Variants in DOCK11 observed in about 807,000 individuals in gnomAD.
The protein encoded by DOCK11 is dedicator of cytokinesis protein 11.
DOCK11 carries 70 observed loss-of-function variants against 169.1 expected under a neutral mutation model. That is an observed-to-expected ratio of 0.41 (90% confidence interval 0.34 to 0.51). The LOEUF is 0.51. Among genes scored for constraint, DOCK11 ranks in the 20% least tolerant of loss-of-function variants. DOCK11 has a pLI of 0.10. For synonymous variants in DOCK11, 529 were observed against 541.3 expected, an observed-to-expected ratio of 0.98 and a Z score of 0.32; for missense variants, 1,166 against 1,538.8, an observed-to-expected ratio of 0.76 and a Z score of 4.05.
At chrX:118,498,650 G>A (rs975001978) in intron 1 of DOCK11, among the ~76,000 whole-genome samples, 2 of 112,086 alleles carry the variant, frequency 1.8e-5, no homozygotes, top group African/African-American at 6.5e-5. Flanking sequence ...TTCAATATGA[G>A]TTAGAGCCAT....
At chrX:118,577,189 G>C (rs2013473643) in intron 12 of DOCK11, among the ~76,000 whole-genome samples, 1 of 112,386 alleles carries the variant, frequency 8.9e-6, no homozygotes, top group Admixed American at 9.4e-5. Context: ...TTATGTGGCA[G>C]TTAGCGTAAC....
Position 118,618,693 on chromosome X carries a change from A to G in DOCK11, c.3436A>G (p.Ile1146Val), listed in dbSNP as rs2014884928. The change falls in exon 31 of 53, where the codon ATA (isoleucine) becomes GTA (valine). Residue 1146 changes from isoleucine to valine, a missense_variant. Physicochemically the swap from Ile to Val is conservative, Grantham distance 29. Transcript: ENST00000276202. ...TAISVIKNLL[I>V]KHAFDTRYQH... ...TATCTCTGTTATAAAGAATCTTTTG[A>G]TAAAACATGCATTTGACACAAGATA... 2 of 1,208,765 alleles carry G rather than the reference A, an allele frequency of 1.7e-6. No individual in the cohort carries two copies. Among genetic ancestry groups the G allele is most frequent in the African/African-American group, 3.5e-5 (2 of 57,748 alleles).
At chrX:118,531,144 C>T (rs1355131161) in intron 1 of DOCK11, among the ~76,000 whole-genome samples, 1 of 109,956 alleles carries the variant, frequency 9.1e-6, no homozygotes, top group African/African-American at 3.3e-5. Flanking sequence ...TGTTTTGTTT[C>T]GTTTTGTTTT....
chrX:118,580,285 A>C, intron 14 of DOCK11, 106 bp downstream of exon 14: 1 of 558,679 alleles, frequency 1.8e-6, no homozygotes, highest in Non-Finnish European at 2.7e-6. Context: ...GGCCAGTTGT[A>C]TCTTGGGACA....
chrX:118,503,206 C>T (rs1364443903), intron 1 of DOCK11, among the ~76,000 whole-genome samples: 2 of 108,414 alleles, frequency 1.8e-5, no homozygotes, highest in East Asian at 2.9e-4. Flanking sequence ...ATTACAGATG[C>T]GTGCCACCAC....
chrX:118,681,910 G>A (rs1301236276), intron 51 of DOCK11, 116 bp downstream of exon 51: 2 of 499,309 alleles, frequency 4.0e-6, no homozygotes. Flanking sequence ...CATTCTCTGT[G>A]GTCTTTTACA....
At chrX:118,674,078 A>G (rs181155554) in intron 46 of DOCK11, among the ~76,000 whole-genome samples, 82 of 111,960 alleles carry the variant, frequency 7.3e-4, no homozygotes, top group African/African-American at 2.6e-3. Context: ...TTCTGGTCCA[A>G]AGCATTTCAG....
At chrX:118,663,377 A>T (rs989270950) in intron 45 of DOCK11, among the ~76,000 whole-genome samples, 7 of 112,268 alleles carry the variant, frequency 6.2e-5, no homozygotes, top group East Asian at 2.8e-4. Flanking sequence ...AATATGTGCC[A>T]TGCAAAGTCA....
intron 27 of DOCK11, among the ~76,000 whole-genome samples, 200 bp downstream of exon 27, chrX:118,609,549 T>G (rs941131311): frequency 6.2e-5 from 7 of 112,420 alleles, no homozygotes; most frequent in African/African-American, 2.3e-4. Flanking sequence ...TGCATAAATC[T>G]GAGGTCTCGC....
chrX:118,655,951 G>A (rs68169381), intron 44 of DOCK11, among the ~76,000 whole-genome samples: 15,626 of 111,334 alleles, frequency 0.14, 885 homozygotes, highest in Non-Finnish European at 0.17. Flanking sequence ...CTGAGGCTCA[G>A]TGTTTGATTG....
chrX:118,562,354 T>TA (rs1347219456), intron 7 of DOCK11, among the ~76,000 whole-genome samples: 1 of 111,166 alleles, frequency 9.0e-6, no homozygotes, highest in African/African-American at 3.3e-5. Context: ...CTTAACCTCT[T>TA]ACCTCCTACT....
At chrX:118,619,497 A>ATATATAT (rs1247643709) in intron 31 of DOCK11, among the ~76,000 whole-genome samples, 6 of 90,850 alleles carry the variant, frequency 6.6e-5, no homozygotes, top group African/African-American at 2.5e-4. Context: ...AAAAAAAAAA[A>ATATATAT]ATATATATAT....
At chrX:118,516,951 C>T (rs746786313) in intron 1 of DOCK11, among the ~76,000 whole-genome samples, 2 of 111,818 alleles carry the variant, frequency 1.8e-5, no homozygotes, top group East Asian at 2.8e-4. Flanking sequence ...CATTGAAGCA[C>T]GAGGAACAAT....
intron 36 of DOCK11, among the ~76,000 whole-genome samples, chrX:118,637,212 A>C (rs1288095758): frequency 9.1e-6 from 1 of 110,494 alleles, no homozygotes; most frequent in Non-Finnish European, 1.9e-5. Context: ...GATTTGCTTT[A>C]GAAACACAGG....
rs376835686 is a variant in DOCK11 at position 118,588,341 on chromosome X, A to G, written c.1980+20A>G. On this transcript the variant is annotated intron_variant, in intron 17 of 52. Coordinates refer to ENST00000276202, the MANE Select transcript of DOCK11 (RefSeq NM_144658.4). ...GCCAAGGTAACCATGTAAACTATAC[A>G]TTTTTGGAGTATAAAATGTTATTTA... The G allele has an allele frequency of 6.0e-6, 7 of 1,158,712 alleles. No individual in the cohort carries two copies. The African/African-American group carries it at 1.3e-4, about 21-fold the overall frequency.
At chrX:118,639,333 A>T (rs1046724347) in intron 37 of DOCK11, 102 bp from the exon 38 acceptor site, 4 of 869,083 alleles carry the variant, frequency 4.6e-6, no homozygotes, top group Non-Finnish European at 6.4e-6. Flanking sequence ...TGAGTGTACT[A>T]CTATGTTTAT....
At chrX:118,593,823 G>A in intron 20 of DOCK11, among the ~76,000 whole-genome samples, 1 of 111,837 alleles carries the variant, frequency 8.9e-6, no homozygotes, top group Non-Finnish European at 1.9e-5. Flanking sequence ...GATTTTAAAA[G>A]TTCATTGGTA....
chrX:118,618,769 G>A (rs2014887126), intron 31 of DOCK11, 41 bp downstream of exon 31: 1 of 990,157 alleles, frequency 1.0e-6, no homozygotes, highest in African/African-American at 2.0e-5. Flanking sequence ...CACTGGTAGA[G>A]TTCTACTATG....
chrX:118,520,937 C>T (rs1288568661), intron 1 of DOCK11, among the ~76,000 whole-genome samples: 1 of 111,921 alleles, frequency 8.9e-6, no homozygotes, highest in East Asian at 2.8e-4. Flanking sequence ...CTGACATCCA[C>T]ATAAGTGGGG....
Sources: allele counts gnomAD v4.1 joint callset (sites outside exome capture counted in the v4.1 genomes callset), GRCh38; gene constraint gnomAD v4.1.1; transcripts MANE v1.5; gene names NCBI Gene and HGNC (gene_info 2026-07-23, HGNC 2026-07-21).